The following IMPG1 variants were observed in gnomAD, a reference collection of about 807,000 sequenced individuals.
IMPG1 encodes the protein interphotoreceptor matrix proteoglycan 1, also known as interphotoreceptor matrix proteoglycan of 150 kDa.
In IMPG1, 85 loss-of-function variants were observed where a neutral mutation model predicts 92.0. The ratio of observed to expected loss-of-function variants is 0.92; its 90% CI spans 0.78 to 1.11. The LOEUF (loss-of-function observed/expected upper bound fraction) is 1.11, where lower values mean the gene tolerates loss of function less well. IMPG1 is among the 50% of genes least tolerant of loss of function. The pLI is 0.00. For synonymous variants in IMPG1, 367 were observed against 334.1 expected, an observed-to-expected ratio of 1.10 and a Z score of -1.08; for missense variants, 1,022 against 956.0, an observed-to-expected ratio of 1.07 and a Z score of -0.91.
chr6:76,011,596 T>A (rs184204843), intron 7 of IMPG1, among the ~76,000 whole-genome samples: 4 of 152,252 alleles, frequency 2.6e-5, no homozygotes, highest in Non-Finnish European at 5.9e-5. Flanking sequence ...TTTATTTTTT[T>A]AATTACACTT....
intron 12 of IMPG1, among the ~76,000 whole-genome samples, chr6:75,995,627 T>C (rs1782885879): frequency 6.6e-6 from 1 of 152,258 alleles, no homozygotes; most frequent in African/African-American, 2.4e-5. Flanking sequence ...CTGTGTATTT[T>C]ATTATTTGTA....
chr6:76,001,692 A>C lies in IMPG1; in HGVS notation c.1291+1226T>G, dbSNP rs1582096166. Among the ~76,000 whole-genome samples the C allele has an allele frequency of 2.0e-5, 3 of 152,180 alleles. No individual in the cohort carries two copies. The South Asian group carries it at 6.2e-4, about 31-fold the overall frequency. On this transcript the variant is annotated intron_variant, in intron 12 of 16. Coordinates refer to ENST00000369950, the MANE Select transcript of IMPG1 (RefSeq NM_001563.4). ...ACCGTTTTGGAAATGGATCTTCAAC[A>C]CCAGTTGAGATATTCCAGCTGACAC...
chr6:76,019,402 C>A (rs79796248), intron 6 of IMPG1, among the ~76,000 whole-genome samples: 1 of 152,130 alleles, frequency 6.6e-6, no homozygotes, highest in African/African-American at 2.4e-5. Context: ...ATTATCTCTG[C>A]GGAAAATTGA....
Position 75,951,019 on chromosome 6 carries a change from A to C in IMPG1, c.1367T>G (p.Ile456Ser). Reference sequence around the variant, plus strand: ...GGTGCCTTGATCAGTCAGAGAGAAGATGCTTGATGCCATAAAGAAAGGTGG... The same window carrying C: ...GGTGCCTTGATCAGTCAGAGAGAAGCTGCTTGATGCCATAAAGAAAGGTGG... ...EAPPFFMASS[I>S]FSLTDQGTTD... is the part of the protein sequence containing the mutation. Residue 456 changes from isoleucine to serine, a missense_variant, in exon 13 of 17, where the codon ATC (isoleucine) becomes AGC (serine). By Grantham distance (142) the Ile-to-Ser change is moderately radical (BLOSUM62 -2). This residue lies in a region of IMPG1 where 681 missense variants were observed against 583.6 expected (regional missense o/e 1.17). Transcript: ENST00000369950. 6.2e-7 allele frequency: 1 copy of C among 1,613,850 alleles called. No homozygotes were observed. The highest frequency in any genetic ancestry group is 1.1e-5 in the South Asian group (1 of 91,076).
intron 12 of IMPG1, among the ~76,000 whole-genome samples, chr6:75,991,525 G>A (rs762957637): frequency 2.0e-5 from 3 of 152,112 alleles, no homozygotes; most frequent in South Asian, 2.1e-4. Context: ...ACCATGTCTC[G>A]ATCACTTGAG....
intron 12 of IMPG1, among the ~76,000 whole-genome samples, chr6:75,971,584 C>A (rs746589804): frequency 6.6e-6 from 1 of 152,158 alleles, no homozygotes; most frequent in Non-Finnish European, 1.5e-5. Flanking sequence ...ACATCCATTG[C>A]ATTCCTAGAA....
intron 12 of IMPG1, among the ~76,000 whole-genome samples, chr6:75,980,014 T>C (rs962031822): frequency 1.3e-5 from 2 of 152,138 alleles, no homozygotes; most frequent in East Asian, 1.9e-4. Flanking sequence ...CTGTATTGTA[T>C]TGGGGGATTA....
At chr6:76,048,811 A>G (rs1783988501) in intron 1 of IMPG1, among the ~76,000 whole-genome samples, 1 of 152,236 alleles carries the variant, frequency 6.6e-6, no homozygotes, top group Non-Finnish European at 1.5e-5. Flanking sequence ...AAGGACAGAA[A>G]TACCATTTGA....
At chr6:75,929,881 CAG>C (rs1781635509) in intron 15 of IMPG1, among the ~76,000 whole-genome samples, 1 of 152,060 alleles carries the variant, frequency 6.6e-6, no homozygotes, top group Admixed American at 6.5e-5. Flanking sequence ...TTGTCACACA[CAG>C]GACCATTTGT....
At chr6:75,922,475 A>G (rs151338776) in intron 16 of IMPG1, among the ~76,000 whole-genome samples, 2 of 152,288 alleles carry the variant, frequency 1.3e-5, no homozygotes, top group African/African-American at 4.8e-5. Context: ...GTATTATAGC[A>G]TGCTTCCTCA....
intron 4 of IMPG1, among the ~76,000 whole-genome samples, chr6:76,030,130 A>C (rs1783629110): frequency 6.6e-6 from 1 of 152,176 alleles, no homozygotes; most frequent in Non-Finnish European, 1.5e-5. Flanking sequence ...CTATGGTATA[A>C]ATGAGGTCTA....
At chr6:76,019,848 G>A (rs1783385342) in intron 6 of IMPG1, among the ~76,000 whole-genome samples, 1 of 152,076 alleles carries the variant, frequency 6.6e-6, no homozygotes, top group African/African-American at 2.4e-5. Flanking sequence ...AATATTCTGG[G>A]GATATTTAAC....
intron 12 of IMPG1, among the ~76,000 whole-genome samples, chr6:75,987,862 T>C (rs1258450133): frequency 1.3e-5 from 2 of 152,116 alleles, no homozygotes; most frequent in East Asian, 3.9e-4. Context: ...TTAGCCAGGA[T>C]GGTTTCGATC....
chr6:76,027,001 G>C (rs986385989), intron 4 of IMPG1, among the ~76,000 whole-genome samples: 1 of 152,112 alleles, frequency 6.6e-6, no homozygotes, highest in African/African-American at 2.4e-5. Flanking sequence ...CTGCCTCTCT[G>C]TGTGTGTACT....
intron 12 of IMPG1, among the ~76,000 whole-genome samples, chr6:75,967,139 T>C (rs1036154233): frequency 6.6e-6 from 1 of 151,938 alleles, no homozygotes; most frequent in Non-Finnish European, 1.5e-5. Flanking sequence ...GATTGTGCCA[T>C]TGCACTCCAG....
Position 76,028,558 on chromosome 6 carries a change from G to A in IMPG1, c.498-3300C>T, listed in dbSNP as rs556895540. 1.8e-4 allele frequency among the ~76,000 whole-genome samples: 27 copies of A among 152,298 alleles called. 1 individual carries two copies. Among genetic ancestry groups the A allele is most frequent in the Middle Eastern group, 3.4e-3 (1 of 294 alleles). The stretch of plus-strand genomic sequence containing the variant: ...CCTTTAACAAGTAAGGGCCGGACAC[G>A]GTGGCTCACGCCTGTAATCCCAGCA... On this transcript the variant is annotated intron_variant, in intron 4 of 16. Transcript: ENST00000369950.
At chr6:76,020,823 T>G (rs1314628353) in intron 6 of IMPG1, among the ~76,000 whole-genome samples, 1 of 152,190 alleles carries the variant, frequency 6.6e-6, no homozygotes, top group Non-Finnish European at 1.5e-5. Flanking sequence ...TAACCCTATA[T>G]ATATAGTGTG....
intron 7 of IMPG1, among the ~76,000 whole-genome samples, chr6:76,015,857 T>C (rs576201040): frequency 6.8e-6 from 1 of 147,780 alleles, no homozygotes; most frequent in South Asian, 2.2e-4. Flanking sequence ...GCCCATTTGA[T>C]GATGATACAA....
chr6:75,987,310 T>TC (rs1782733184), intron 12 of IMPG1, among the ~76,000 whole-genome samples: 1 of 151,802 alleles, frequency 6.6e-6, no homozygotes. Flanking sequence ...TCTTTTTTTT[T>TC]TTTTTTAATT....
Sources: allele counts gnomAD v4.1 joint callset (sites outside exome capture counted in the v4.1 genomes callset), GRCh38; gene constraint gnomAD v4.1.1; regional missense constraint gnomAD v4.1.1; transcripts MANE v1.5; gene names NCBI Gene and HGNC (gene_info 2026-07-23, HGNC 2026-07-21).